GREB1L: variants seen among roughly 807,000 people sequenced by gnomAD.
The protein encoded by GREB1L is GREB1-like protein.
Under a neutral mutation model 200.8 loss-of-function variants are expected in GREB1L, and 17 were observed. The observed-to-expected ratio is 0.08, with a 90% CI of 0.06 to 0.13. GREB1L has a LOEUF of 0.13. Ranked by LOEUF, GREB1L falls within the 10% of genes least tolerant of loss-of-function variation. The pLI is 1.00. For missense variants in GREB1L, 1,657 were observed against 2,367.7 expected, an observed-to-expected ratio of 0.70 and a Z score of 6.23; for synonymous variants, 789 against 893.0, an observed-to-expected ratio of 0.88 and a Z score of 2.08.
At chr18:21,434,479 A>T (rs2033383334) in intron 7 of GREB1L, among the ~76,000 whole-genome samples, 1 of 140,152 alleles carries the variant, frequency 7.1e-6, no homozygotes, top group African/African-American at 3.0e-5. Context: ...CCATCTAAAA[A>T]AAATAGTATA....
At chr18:21,396,662 C>A (rs2041079180) in intron 5 of GREB1L, among the ~76,000 whole-genome samples, 1 of 151,978 alleles carries the variant, frequency 6.6e-6, no homozygotes, top group African/African-American at 2.4e-5. Flanking sequence ...ATTAGTTCAC[C>A]CAAAATAACT....
intron 1 of GREB1L, among the ~76,000 whole-genome samples, chr18:21,335,759 G>A (rs919687335): frequency 6.6e-6 from 1 of 151,708 alleles, no homozygotes; most frequent in African/African-American, 2.4e-5. Flanking sequence ...CGCCTTCCGG[G>A]TTCATGCCAT....
In GREB1L at chr18:21,385,606, T is replaced by G. The variant is rs75710109; in HGVS notation, c.355+1203T>G. Reference sequence around the variant, plus strand: ...ATAATATATATGGATTTATTCATTATTGACATAATACAGGCCTTTAAGCCT... The same window carrying G: ...ATAATATATATGGATTTATTCATTAGTGACATAATACAGGCCTTTAAGCCT... On this transcript the variant is annotated intron_variant, in intron 4 of 32. Coordinates refer to ENST00000424526, the MANE Select transcript of GREB1L (RefSeq NM_001142966.3). 4.2e-3 allele frequency among the ~76,000 whole-genome samples: 645 copies of G among 152,324 alleles called. 2 individuals are homozygous for G. The highest frequency in any genetic ancestry group is 0.014 in the African/African-American group (598 of 41,574).
At chr18:21,335,101 C>T (rs1356686987) in intron 1 of GREB1L, among the ~76,000 whole-genome samples, 1 of 152,224 alleles carries the variant, frequency 6.6e-6, no homozygotes, top group Non-Finnish European at 1.5e-5. Flanking sequence ...TCATTTGTAC[C>T]TAACATATTT....
chr18:21,496,595 G>A lies in GREB1L; in HGVS notation c.3288G>A (p.Gly1096=), dbSNP rs1279256302. The A allele has an allele frequency of 1.3e-6, 2 of 1,551,730 alleles. No homozygotes were observed. The highest frequency in any genetic ancestry group is 1.7e-6 in the Non-Finnish European group (2 of 1,146,996). ...CCACTGTTGCCCTGGACCTCAGCGG[G>A]AAGGAGCAGGAGAGAGCTGCTGTCA... The part of the protein sequence containing the change: ...RGPTVALDLS[G]KEQERAAVSE... The change falls in exon 21 of 33, where the codon GGG becomes GGA. Residue 1096 remains glycine (G), a synonymous_variant. Coordinates refer to ENST00000424526, the MANE Select transcript of GREB1L (RefSeq NM_001142966.3).
At chr18:21,419,625 T>G (rs1230805399) in intron 7 of GREB1L, among the ~76,000 whole-genome samples, 1 of 152,196 alleles carries the variant, frequency 6.6e-6, no homozygotes, top group Non-Finnish European at 1.5e-5. Context: ...AATTTTTGTA[T>G]TTTTTGTAGA....
At chr18:21,421,885 TA>T (rs1249415784) in intron 7 of GREB1L, among the ~76,000 whole-genome samples, 1 of 152,202 alleles carries the variant, frequency 6.6e-6, no homozygotes, top group Non-Finnish European at 1.5e-5. Context: ...AACTATTGTA[TA>T]AAGAGGATAA....
At chr18:21,481,156 T>C (rs574676596) in intron 17 of GREB1L, among the ~76,000 whole-genome samples, 2 of 152,174 alleles carry the variant, frequency 1.3e-5, no homozygotes, top group Admixed American at 6.5e-5. Flanking sequence ...TCACATTTAT[T>C]TGAGAGGTCC....
chr18:21,269,270 T>G (rs1288484003), intron 1 of GREB1L, among the ~76,000 whole-genome samples: 2 of 152,178 alleles, frequency 1.3e-5, no homozygotes, highest in Non-Finnish European at 2.9e-5. Flanking sequence ...ATAGGCTGTT[T>G]GATTCCCAGT....
chr18:21,392,777 T>TA (rs571811785), intron 4 of GREB1L, among the ~76,000 whole-genome samples: 6 of 150,788 alleles, frequency 4.0e-5, no homozygotes, highest in East Asian at 1.9e-4. Flanking sequence ...TTTTTTTCTT[T>TA]AAAAAAAAAA....
At chr18:21,481,513 A>G (rs2035922990) in intron 17 of GREB1L, among the ~76,000 whole-genome samples, 1 of 146,838 alleles carries the variant, frequency 6.8e-6, no homozygotes, top group Admixed American at 6.9e-5. Context: ...ATTAGAATTT[A>G]CCTGTTTCTT....
chr18:21,349,569 C>T lies in GREB1L; in HGVS notation c.-119-16458C>T, dbSNP rs540908160. Among the ~76,000 whole-genome samples the T allele has an allele frequency of 3.1e-3, 474 of 152,206 alleles. 3 individuals are homozygous for T. The highest frequency in any genetic ancestry group is 0.011 in the African/African-American group (451 of 41,538). ...CAACAGGTTGTGAGCCGTGGGCAAGCGAGCATTACCACCTGAGTGCCACCT... is the reference window on the plus strand; with the variant it reads ...CAACAGGTTGTGAGCCGTGGGCAAGTGAGCATTACCACCTGAGTGCCACCT... On this transcript the variant is annotated intron_variant, in intron 1 of 32. Coordinates refer to ENST00000424526, the MANE Select transcript of GREB1L (RefSeq NM_001142966.3).
chr18:21,462,003 G>A (rs551449051), intron 15 of GREB1L, among the ~76,000 whole-genome samples: 5 of 152,178 alleles, frequency 3.3e-5, no homozygotes, highest in Non-Finnish European at 7.4e-5. Flanking sequence ...TAGGGAACAC[G>A]GTGACTCCCA....
intron 16 of GREB1L, among the ~76,000 whole-genome samples, chr18:21,473,501 G>A (rs1233812539): frequency 1.3e-5 from 2 of 151,148 alleles, no homozygotes; most frequent in Non-Finnish European, 2.9e-5. Context: ...CCCAGGCGCT[G>A]GAGGTTCCAG....
chr18:21,492,110 G>T (rs1179013409), intron 19 of GREB1L, among the ~76,000 whole-genome samples: 1 of 151,990 alleles, frequency 6.6e-6, no homozygotes, highest in Non-Finnish European at 1.5e-5. Flanking sequence ...ACTTTGGGAG[G>T]CCGAGGCGGG....
At chr18:21,258,655 G>A (rs367545016) in intron 1 of GREB1L, among the ~76,000 whole-genome samples, 1 of 152,160 alleles carries the variant, frequency 6.6e-6, no homozygotes, top group Non-Finnish European at 1.5e-5. Flanking sequence ...ATAAAGGATG[G>A]TAATGAGGAA....
At chr18:21,499,589 CAA>C in intron 21 of GREB1L, 138 bp from the exon 22 acceptor site, 1 of 641,070 alleles carries the variant, frequency 1.6e-6, no homozygotes, top group Non-Finnish European at 2.7e-6. Context: ...TGGAGAGCGG[CAA>C]AGAGAAGATT....
intron 7 of GREB1L, among the ~76,000 whole-genome samples, chr18:21,426,740 C>T (rs1277503747): frequency 4.0e-5 from 6 of 151,828 alleles, no homozygotes; most frequent in African/African-American, 2.4e-5. Flanking sequence ...GGGCGGATCA[C>T]GAGGTCAGGA....
Position 21,439,538 on chromosome 18 carries a change from A to C in GREB1L, c.850A>C (p.Ser284Arg). The C allele has an allele frequency of 6.5e-7, 1 of 1,548,308 alleles. No homozygotes were observed. Among genetic ancestry groups the C allele is most frequent in the South Asian group, 1.2e-5 (1 of 83,964 alleles). Residue 284 changes from serine to arginine, a missense_variant, in exon 8 of 33, where the codon AGT becomes CGT. Transcript: ENST00000424526. ...FTQTDAANGN[S>R]SHGGKGSASS... Reference sequence around the variant, plus strand: ...TTCTACAGATGCTGCTAATGGAAACAGTAGCCATGGAGGGAAGGGCAGTGC... The same window carrying C: ...TTCTACAGATGCTGCTAATGGAAACCGTAGCCATGGAGGGAAGGGCAGTGC...
Sources: allele counts gnomAD v4.1 joint callset (sites outside exome capture counted in the v4.1 genomes callset), GRCh38; gene constraint gnomAD v4.1.1; transcripts MANE v1.5; gene names NCBI Gene and HGNC (gene_info 2026-07-23, HGNC 2026-07-21).